The following GRIN2B variants were observed in gnomAD, a reference collection of about 807,000 sequenced individuals.
GRIN2B encodes glutamate ionotropic receptor NMDA type subunit 2B.
In GRIN2B, 5 loss-of-function variants were observed where a neutral mutation model predicts 114.5. The ratio of observed to expected loss-of-function variants is 0.04; its 90% CI spans 0.02 to 0.09. The LOEUF (loss-of-function observed/expected upper bound fraction) is 0.09, where lower values mean the gene tolerates loss of function less well. Ranked by LOEUF, GRIN2B falls within the 10% of genes least tolerant of loss-of-function variation. GRIN2B has a pLI of 1.00. For missense variants in GRIN2B, 1,108 were observed against 1,943.5 expected (o/e 0.57, Z 8.08); for synonymous variants, 787 against 745.1 (o/e 1.06, Z -0.92).
chr12:13,862,203 G>A lies in GRIN2B; in HGVS notation c.411+3595C>T, dbSNP rs559883657. On this transcript the variant is annotated intron_variant, in intron 3 of 13. Transcript: ENST00000609686. ...AATTAATGTTCTTACTGATTAATTA[G>A]CATATGCAAAAAAGTGAGCACATGC... is the stretch of plus-strand genomic sequence containing the variant. Among the ~76,000 whole-genome samples the A allele has an allele frequency of 3.3e-5, 5 of 152,244 alleles. No homozygotes were observed. In the East Asian group the frequency reaches 7.7e-4, roughly 24 times the overall value.
intron 3 of GRIN2B, among the ~76,000 whole-genome samples, chr12:13,783,181 T>C (rs1419011749): frequency 6.6e-6 from 1 of 152,196 alleles, no homozygotes; most frequent in African/African-American, 2.4e-5. Context: ...TGAAAATTCA[T>C]TCAACTCTCT....
rs1948340177 is a variant in GRIN2B at position 13,546,245 on chromosome 12, G to A, written c.*16538C>T. On this transcript the variant is annotated 3_prime_UTR_variant, in exon 14 of 14. Transcript: ENST00000609686. ...AGGCTCTTCCACTCAGAATCTTCTT[G>A]ACTGGAGAATGGAAATCATTGGAGA... 1.3e-5 allele frequency: 2 copies of A among 152,188 alleles called. No homozygotes were observed. The highest frequency in any genetic ancestry group is 4.1e-4 in the South Asian group (2 of 4,830). The allele number at this position is 152,188 out of a possible 1,614,324, so 9.4% of individuals were successfully genotyped here. A position where few individuals can be genotyped will look rare whatever the true frequency, so the allele number is the denominator to read the frequency against.
rs1354171458 is a variant in GRIN2B at position 13,551,349 on chromosome 12, G to C, written c.*11434C>G. 1 of 152,150 alleles carries C rather than the reference G, an allele frequency of 6.6e-6. No individual in the cohort carries two copies. The highest frequency in any genetic ancestry group is 1.5e-5 in the Non-Finnish European group (1 of 68,032). The allele number at this position is 152,150 out of a possible 1,614,324, so 9.4% of individuals were successfully genotyped here. A position where few individuals can be genotyped will look rare whatever the true frequency, so the allele number is the denominator to read the frequency against. On this transcript the variant is annotated 3_prime_UTR_variant, in exon 14 of 14. Transcript: ENST00000609686. ...TCTGTTCTCAGGGGGACTGGCTTCT[G>C]CTTCTCCATCCTCTTAGTACCAGTC...
At chr12:13,849,517 C>A (rs1865522704) in intron 3 of GRIN2B, among the ~76,000 whole-genome samples, 1 of 152,028 alleles carries the variant, frequency 6.6e-6, no homozygotes, top group African/African-American at 2.4e-5. Context: ...GCTTCTAGAG[C>A]CATCCTTCCA....
chr12:13,564,332 G>A lies in GRIN2B; in HGVS notation c.2906C>T (p.Thr969Met), dbSNP rs926331767. ...FSDYISEVER[T>M]FGNLQLKDSN... ...GTCCTTCAGCTGCAGGTTCCCGAAC[G>A]TTCTCTCTACCTCACTGATGTAGTC... Residue 969 changes from threonine to methionine, a missense_variant, in exon 14 of 14, where the codon ACG (threonine) becomes ATG (methionine). By Grantham distance (81) the Thr-to-Met change is moderately conservative (BLOSUM62 -1). This residue lies in a region of GRIN2B where 140 missense variants were observed against 187.5 expected (regional missense o/e 0.75). Coordinates refer to ENST00000609686, the MANE Select transcript of GRIN2B (RefSeq NM_000834.5). This position sits in a 1 kb window ranked among gnomAD's most constrained non-coding sequence, Gnocchi z 4.8. 3 of 1,614,190 alleles carry A rather than the reference G, an allele frequency of 1.9e-6. No individual in the cohort carries two copies. Among genetic ancestry groups the A allele is most frequent in the Non-Finnish European group, 2.5e-6 (3 of 1,180,022 alleles).
chr12:13,778,472 G>T (rs1415274546), intron 3 of GRIN2B, among the ~76,000 whole-genome samples: 1 of 152,162 alleles, frequency 6.6e-6, no homozygotes, highest in African/African-American at 2.4e-5. Flanking sequence ...CTTAGGGAGG[G>T]GACAGGGTCT....
chr12:13,564,656 G>A lies in GRIN2B; in HGVS notation c.2599-17C>T. 2 of 1,611,878 alleles carry A rather than the reference G, an allele frequency of 1.2e-6. No individual in the cohort carries two copies. Among genetic ancestry groups the A allele is most frequent in the East Asian group, 2.2e-5 (1 of 44,866 alleles). ...GTAGATACCCTGAAGCAAGAATGGAGGGACAGGTTAGATCTCCAGAGAGGC... is the reference window on the plus strand; with the variant it reads ...GTAGATACCCTGAAGCAAGAATGGAAGGACAGGTTAGATCTCCAGAGAGGC... On this transcript the variant is annotated splice_polypyrimidine_tract_variant and intron_variant, in intron 13 of 13. Transcript: ENST00000609686. This position sits in a 1 kb window ranked among gnomAD's most constrained non-coding sequence, Gnocchi z 4.8.
chr12:13,941,313 TC>T (rs1444539242), intron 2 of GRIN2B, among the ~76,000 whole-genome samples: 1 of 152,048 alleles, frequency 6.6e-6, no homozygotes, highest in Non-Finnish European at 1.5e-5. Context: ...AGCACACAGC[TC>T]CCCACAAACC....
chr12:13,848,616 T>C (rs1865506730), intron 3 of GRIN2B, among the ~76,000 whole-genome samples: 1 of 152,194 alleles, frequency 6.6e-6, no homozygotes, highest in Non-Finnish European at 1.5e-5. Flanking sequence ...GTGGCCATGA[T>C]TGCTACTTGG....
At chr12:13,817,318 G>A (rs1864843963) in intron 3 of GRIN2B, among the ~76,000 whole-genome samples, 1 of 146,550 alleles carries the variant, frequency 6.8e-6, no homozygotes, top group Admixed American at 6.8e-5. Context: ...TAGCTGGGCT[G>A]GAGCAACGCC....
intron 4 of GRIN2B, among the ~76,000 whole-genome samples, chr12:13,704,047 T>G (rs1050011561): frequency 6.6e-6 from 1 of 152,026 alleles, no homozygotes; most frequent in Non-Finnish European, 1.5e-5. Context: ...GTTCTGAAGA[T>G]TGGGGAGAAA....
At chr12:13,697,513 G>A (rs1347478563) in intron 4 of GRIN2B, among the ~76,000 whole-genome samples, 3 of 152,148 alleles carry the variant, frequency 2.0e-5, no homozygotes, top group African/African-American at 2.4e-5. Context: ...ACTAGAAGGA[G>A]ACTTCTTATT....
At chr12:13,892,400 A>G (rs571146148) in intron 2 of GRIN2B, among the ~76,000 whole-genome samples, 1 of 152,148 alleles carries the variant, frequency 6.6e-6, no homozygotes, top group Non-Finnish European at 1.5e-5. Flanking sequence ...ATATTATTTT[A>G]AAAAAACTAT....
At chr12:13,776,842 C>T (rs771046896) in intron 3 of GRIN2B, among the ~76,000 whole-genome samples, 24 of 152,112 alleles carry the variant, frequency 1.6e-4, no homozygotes, top group Admixed American at 8.5e-4. Context: ...GAGACAGGAG[C>T]CCCCAAAACT....
chr12:13,581,331 A>G (rs1295507636), intron 10 of GRIN2B, among the ~76,000 whole-genome samples: 3 of 152,182 alleles, frequency 2.0e-5, no homozygotes, highest in South Asian at 2.1e-4. Flanking sequence ...CATGTTTTCC[A>G]TCACTAAATC....
chr12:13,860,457 T>C (rs568536246), intron 3 of GRIN2B, among the ~76,000 whole-genome samples: 1 of 152,270 alleles, frequency 6.6e-6, no homozygotes, highest in Admixed American at 6.5e-5. Context: ...ACCTCCCAAG[T>C]AGCTGTGATT....
At chr12:13,853,837 C>T (rs1215693479) in intron 3 of GRIN2B, among the ~76,000 whole-genome samples, 1 of 152,158 alleles carries the variant, frequency 6.6e-6, no homozygotes, top group Non-Finnish European at 1.5e-5. Context: ...ACATTTGCTG[C>T]CCCGAAATAA....
At chr12:13,960,742 G>C (rs989772873) in intron 2 of GRIN2B, among the ~76,000 whole-genome samples, 1 of 152,202 alleles carries the variant, frequency 6.6e-6, no homozygotes, top group African/African-American at 2.4e-5. Context: ...AGGGAAGACA[G>C]GAAGTATTGT....
At position 13,551,147 on chromosome 12, in the gene GRIN2B, A is replaced by G. The variant is rs1948407165; in HGVS notation, c.*11636T>C. The G allele has an allele frequency of 1.3e-5, 2 of 152,100 alleles. 1 individual carries two copies. The highest frequency in any genetic ancestry group is 1.3e-4 in the Admixed American group (2 of 15,268). 9.4% of individuals were successfully genotyped at this position (152,100 alleles called of 1,614,324 possible). A position where few individuals can be genotyped will look rare whatever the true frequency, so the allele number is the denominator to read the frequency against. Reference sequence around the variant, plus strand: ...TGACCCTGGGAGAGAGAGAACAGATAAATTATTGAATCCGTGAAGGCATTT... The same window carrying G: ...TGACCCTGGGAGAGAGAGAACAGATGAATTATTGAATCCGTGAAGGCATTT... On this transcript the variant is annotated 3_prime_UTR_variant, in exon 14 of 14. Coordinates refer to ENST00000609686, the MANE Select transcript of GRIN2B (RefSeq NM_000834.5).
Sources: gnomAD v4.1 joint callset for allele counts (sites outside exome capture counted in the v4.1 genomes callset) on GRCh38, gnomAD v4.1.1 for gene constraint, gnomAD v4.1.1 regional missense constraint, Gnocchi (gnomAD v3.1) non-coding constraint, MANE v1.5 for transcripts, NCBI Gene and HGNC (gene_info 2026-07-23, HGNC 2026-07-21) for gene names.